The following GRK7 variants were observed in gnomAD, a reference collection of about 807,000 sequenced individuals.
The protein encoded by GRK7 is G protein-coupled receptor kinase 7.
GRK7 carries 24 observed loss-of-function variants against 34.1 expected under a neutral mutation model. That is an observed-to-expected ratio of 0.70 (90% CI 0.51 to 0.99). The LOEUF (loss-of-function observed/expected upper bound fraction) is 0.99, where lower values mean the gene tolerates loss of function less well. Among genes scored for constraint, GRK7 ranks in the 50% least tolerant of loss-of-function variants. The pLI is 0.00. For missense variants in GRK7, 644 were observed against 707.3 expected, an observed-to-expected ratio of 0.91 and a Z score of 1.02; for synonymous variants, 256 against 279.4, an observed-to-expected ratio of 0.92 and a Z score of 0.84.
chr3:141,776,080 C>T (rs932414737), intron 2 of GRK7, among the ~76,000 whole-genome samples: 2 of 151,890 alleles, frequency 1.3e-5, no homozygotes, highest in African/African-American at 4.8e-5. Flanking sequence ...GTCAGGAGAT[C>T]GAGACCATCA....
chr3:141,772,525 T>C (rs1488015671), intron 1 of GRK7, among the ~76,000 whole-genome samples: 1 of 152,236 alleles, frequency 6.6e-6, no homozygotes, highest in Non-Finnish European at 1.5e-5. Flanking sequence ...CAAATAGATA[T>C]GCTATTGGAC....
the GRK7 span, among the ~76,000 whole-genome samples, chr3:141,757,129 C>T: frequency 0.078 from 7,939 of 101,302 alleles, 238 homozygotes; most frequent in South Asian, 0.13. Context: ...AGATCTTCTT[C>T]TTTTTTTTTT....
At chr3:141,760,537 A>C (rs1432417814), upstream of GRK7, among the ~76,000 whole-genome samples, 9 of 132,906 alleles carry the variant, frequency 6.8e-5, no homozygotes, top group African/African-American at 1.2e-4. Context: ...ACTTCCAACT[A>C]TGTGGTCAAT....
upstream of GRK7, among the ~76,000 whole-genome samples, chr3:141,760,811 C>A (rs1319372391): frequency 8.0e-6 from 1 of 124,278 alleles, no homozygotes; most frequent in Non-Finnish European, 1.7e-5. Flanking sequence ...GTATTGGGTG[C>A]ATATATATTT....
At chr3:141,767,707 T>G (rs961239378) in intron 1 of GRK7, among the ~76,000 whole-genome samples, 3 of 152,092 alleles carry the variant, frequency 2.0e-5, no homozygotes, top group African/African-American at 7.2e-5. Flanking sequence ...AGCAGAAAAG[T>G]CTGCTATTTT....
intron 4 of GRK7, among the ~76,000 whole-genome samples, chr3:141,789,039 T>A (rs2084710469): frequency 6.6e-6 from 1 of 152,142 alleles, no homozygotes; most frequent in East Asian, 1.9e-4. Flanking sequence ...AGTCTTGAAC[T>A]CCTGGCCTCA....
At chr3:141,810,307 C>A (rs960034362) in intron 5 of GRK7, among the ~76,000 whole-genome samples, 1 of 150,004 alleles carries the variant, frequency 6.7e-6, no homozygotes, top group Non-Finnish European at 1.5e-5. Context: ...TCTCCCCATC[C>A]CTCCTTCCCT....
chr3:141,815,949 G>C (rs1711148083), intron 5 of GRK7, among the ~76,000 whole-genome samples: 1 of 152,160 alleles, frequency 6.6e-6, no homozygotes, highest in Non-Finnish European at 1.5e-5. Flanking sequence ...GTTAAGCCAT[G>C]TCCAGATTCT....
At chr3:141,754,597 C>T in the GRK7 span, among the ~76,000 whole-genome samples, 12 of 151,994 alleles carry the variant, frequency 7.9e-5, no homozygotes, top group Admixed American at 6.6e-4. Context: ...CATGCCTCCC[C>T]GGTGTCTTTA....
At chr3:141,792,892 A>G (rs2084731367) in intron 4 of GRK7, among the ~76,000 whole-genome samples, 1 of 152,202 alleles carries the variant, frequency 6.6e-6, no homozygotes, top group African/African-American at 2.4e-5. Context: ...GATTTTATCA[A>G]TCATGCCTGT....
upstream of GRK7, among the ~76,000 whole-genome samples, chr3:141,759,988 G>A (rs2084548119): frequency 1.7e-5 from 1 of 57,520 alleles, no homozygotes; most frequent in African/African-American, 7.2e-5. Flanking sequence ...TATTTCTGTG[G>A]GATCAGTGGT....
intron 4 of GRK7, among the ~76,000 whole-genome samples, chr3:141,804,312 T>G (rs1167655535): frequency 6.6e-6 from 1 of 152,098 alleles, no homozygotes; most frequent in Non-Finnish European, 1.5e-5. Flanking sequence ...AGACTGGGAA[T>G]AGATTCTGCT....
chr3:141,797,884 C>G (rs2107888071), intron 4 of GRK7, among the ~76,000 whole-genome samples: 1 of 152,240 alleles, frequency 6.6e-6, no homozygotes, highest in South Asian at 2.1e-4. Context: ...CCTTGAAGGA[C>G]CTGCGCACAC....
At chr3:141,797,744 C>T (rs919782698) in intron 4 of GRK7, among the ~76,000 whole-genome samples, 5 of 152,098 alleles carry the variant, frequency 3.3e-5, no homozygotes, top group Non-Finnish European at 7.4e-5. Flanking sequence ...CCTTTCTCCC[C>T]GTCTGCGTCG....
At chr3:141,797,443 T>A (rs1419178992) in intron 4 of GRK7, among the ~76,000 whole-genome samples, 1 of 152,126 alleles carries the variant, frequency 6.6e-6, no homozygotes, top group Non-Finnish European at 1.5e-5. Flanking sequence ...GAGGAGCAGC[T>A]GGGAACGAGA....
the GRK7 span, among the ~76,000 whole-genome samples, chr3:141,752,250 A>G: frequency 6.6e-6 from 1 of 152,256 alleles, no homozygotes. Context: ...CTATAAATTC[A>G]TGTAGCTGCT....
intron 1 of GRK7, among the ~76,000 whole-genome samples, chr3:141,772,010 C>T (rs2084619371): frequency 1.3e-5 from 2 of 151,868 alleles, no homozygotes; most frequent in African/African-American, 4.8e-5. Context: ...TAAACAACAA[C>T]AACAACAAAA....
At chr3:141,802,643 C>T (rs911207898) in intron 4 of GRK7, among the ~76,000 whole-genome samples, 8 of 152,196 alleles carry the variant, frequency 5.3e-5, no homozygotes, top group African/African-American at 7.2e-5. Context: ...ATCCAGGCTG[C>T]GTTGCCCCTC....
intron 1 of GRK7, among the ~76,000 whole-genome samples, chr3:141,767,683 G>A (rs2084596027): frequency 1.3e-5 from 2 of 152,128 alleles, no homozygotes; most frequent in Non-Finnish European, 2.9e-5. Flanking sequence ...TTACAGGCGT[G>A]AGCCACCATG....
Sources: allele counts gnomAD v4.1 joint callset (sites outside exome capture counted in the v4.1 genomes callset), GRCh38; gene constraint gnomAD v4.1.1; transcripts MANE v1.5; gene names NCBI Gene and HGNC (gene_info 2026-07-23, HGNC 2026-07-21).